The following GRM8 variants were observed in gnomAD, a reference collection of about 807,000 sequenced individuals.
GRM8 encodes glutamate metabotropic receptor 8.
A neutral mutation model predicts 87.2 loss-of-function variants in GRM8; 47 were observed. The ratio of observed to expected loss-of-function variants is 0.54; its 90% CI spans 0.43 to 0.69. The LOEUF is 0.69. Ranked by LOEUF, GRM8 falls within the 30% of genes least tolerant of loss-of-function variation. The probability of loss-of-function intolerance (pLI) is 0.00; values close to 1 mark genes in which losing one functional copy is unlikely to be tolerated. For synonymous variants in GRM8, 396 were observed against 404.5 expected (o/e 0.98, Z 0.25); for missense variants, 1,019 against 1,139.2 (o/e 0.89, Z 1.52).
intron 7 of GRM8, 36 bp from the exon 8 acceptor site, chr7:126,609,534 T>A: frequency 6.5e-7 from 1 of 1,549,510 alleles, no homozygotes; most frequent in Non-Finnish European, 8.9e-7. Context: ...AATAAAGTTT[T>A]AGTAAGATAG....
chr7:126,482,354 T>C (rs1806789016), intron 9 of GRM8, among the ~76,000 whole-genome samples: 1 of 152,026 alleles, frequency 6.6e-6, no homozygotes, highest in African/African-American at 2.4e-5. Context: ...TGTATGCCCA[T>C]GTTGACAGTA....
chr7:126,805,480 T>A (rs752652819), intron 6 of GRM8, among the ~76,000 whole-genome samples: 7 of 152,206 alleles, frequency 4.6e-5, no homozygotes, highest in Non-Finnish European at 7.3e-5. Flanking sequence ...CTTTGAATAG[T>A]CTTTGTTATT....
At chr7:127,023,403 A>G (rs1429061859) in intron 3 of GRM8, among the ~76,000 whole-genome samples, 1 of 152,028 alleles carries the variant, frequency 6.6e-6, no homozygotes, top group African/African-American at 2.4e-5. Context: ...TTTGTTATCA[A>G]TTAGTGCCAA....
chr7:126,463,492 G>A (rs1180541623), intron 9 of GRM8, among the ~76,000 whole-genome samples: 1 of 151,542 alleles, frequency 6.6e-6, no homozygotes, highest in Non-Finnish European at 1.5e-5. Context: ...TTAATACGAT[G>A]TTCTAACAAA....
intron 3 of GRM8, among the ~76,000 whole-genome samples, chr7:126,937,710 G>T (rs1273506148): frequency 6.6e-6 from 1 of 152,226 alleles, no homozygotes; most frequent in Non-Finnish European, 1.5e-5. Flanking sequence ...ACTAGATTAT[G>T]CTGTTTGCCT....
At chr7:126,907,518 A>G (rs1802843482) in intron 3 of GRM8, among the ~76,000 whole-genome samples, 1 of 152,120 alleles carries the variant, frequency 6.6e-6, no homozygotes, top group African/African-American at 2.4e-5. Context: ...AGCATGGGAA[A>G]GGGCAGGAAA....
At chr7:126,555,465 A>T (rs1793037470) in intron 8 of GRM8, among the ~76,000 whole-genome samples, 1 of 152,248 alleles carries the variant, frequency 6.6e-6, no homozygotes, top group African/African-American at 2.4e-5. Context: ...GTCACACAGA[A>T]ATATGATCCA....
intron 3 of GRM8, among the ~76,000 whole-genome samples, chr7:126,940,844 G>C (rs1003204103): frequency 6.6e-6 from 1 of 152,064 alleles, no homozygotes; most frequent in Non-Finnish European, 1.5e-5. Context: ...TGGTTGTCCC[G>C]GCTAAGAGCC....
At chr7:126,978,697 T>A (rs953016520) in intron 3 of GRM8, among the ~76,000 whole-genome samples, 3 of 152,238 alleles carry the variant, frequency 2.0e-5, no homozygotes, top group Non-Finnish European at 4.4e-5. Context: ...CAGGATTAGA[T>A]GATCTTTGAA....
chr7:126,596,600 A>G (rs562122043), intron 8 of GRM8, among the ~76,000 whole-genome samples: 1 of 152,308 alleles, frequency 6.6e-6, no homozygotes, highest in African/African-American at 2.4e-5. Context: ...AGAAATCAAT[A>G]TGGATATAAC....
At chr7:126,901,520 C>A (rs1309829052) in intron 6 of GRM8, among the ~76,000 whole-genome samples, 1 of 152,246 alleles carries the variant, frequency 6.6e-6, no homozygotes, top group Non-Finnish European at 1.5e-5. Flanking sequence ...AGCCTGAAAT[C>A]AGATTCTTCC....
At chr7:126,868,392 C>A (rs1056503252) in intron 6 of GRM8, among the ~76,000 whole-genome samples, 1 of 152,198 alleles carries the variant, frequency 6.6e-6, no homozygotes, top group Non-Finnish European at 1.5e-5. Context: ...GAACAAGATG[C>A]CACTCTGTAC....
chr7:127,107,200 T>A (rs1348661176), intron 2 of GRM8, among the ~76,000 whole-genome samples: 1 of 152,228 alleles, frequency 6.6e-6, no homozygotes, highest in African/African-American at 2.4e-5. Context: ...GTCTTAAGAC[T>A]ATATTTTTAG....
At chr7:127,044,761 G>A (rs954355248) in intron 3 of GRM8, among the ~76,000 whole-genome samples, 1 of 152,066 alleles carries the variant, frequency 6.6e-6, no homozygotes, top group Non-Finnish European at 1.5e-5. Context: ...TAGCAGCAAC[G>A]GCTAACATAC....
chr7:127,058,844 T>C (rs1820279422), intron 3 of GRM8, among the ~76,000 whole-genome samples: 1 of 152,252 alleles, frequency 6.6e-6, no homozygotes, highest in Non-Finnish European at 1.5e-5. Context: ...TGAATTAACT[T>C]ATGAACTCTT....
intron 2 of GRM8, among the ~76,000 whole-genome samples, chr7:127,159,500 T>C (rs1215342948): frequency 6.6e-6 from 1 of 152,046 alleles, no homozygotes; most frequent in Non-Finnish European, 1.5e-5. Context: ...GCTTGCAGCA[T>C]GATTTCAACA....
chr7:127,113,013 T>C (rs1826473134), intron 2 of GRM8, among the ~76,000 whole-genome samples: 1 of 152,174 alleles, frequency 6.6e-6, no homozygotes, highest in African/African-American at 2.4e-5. Flanking sequence ...CCAAACCAAC[T>C]GTGTCTCTCC....
intron 6 of GRM8, among the ~76,000 whole-genome samples, chr7:126,834,683 G>C (rs1033413835): frequency 2.6e-5 from 4 of 151,976 alleles, no homozygotes; most frequent in African/African-American, 9.7e-5. Context: ...TTAACTTCTG[G>C]GGCTTACTTT....
chr7:127,012,354 A>C (rs546761385), intron 3 of GRM8, among the ~76,000 whole-genome samples: 1 of 152,238 alleles, frequency 6.6e-6, no homozygotes, highest in South Asian at 2.1e-4. Context: ...GCTAGCAATA[A>C]GAAACAAAGA....
Sources: gnomAD v4.1 joint callset for allele counts (sites outside exome capture counted in the v4.1 genomes callset) on GRCh38, gnomAD v4.1.1 for gene constraint, MANE v1.5 for transcripts, NCBI Gene and HGNC (gene_info 2026-07-23, HGNC 2026-07-21) for gene names.